Variants in DDX10 observed in about 807,000 individuals in gnomAD.
DDX10 encodes the protein probable ATP-dependent RNA helicase DDX10.
In DDX10, 74 loss-of-function variants were observed where a neutral mutation model predicts 104.3. That is an observed-to-expected ratio of 0.71 (90% CI 0.59 to 0.86). The LOEUF is 0.86. DDX10 is among the 40% of genes least tolerant of loss of function. DDX10 has a pLI of 0.00. For synonymous variants in DDX10, 351 were observed against 353.4 expected (o/e 0.99, Z 0.08); for missense variants, 952 against 1,040.0 (o/e 0.92, Z 1.16).
chr11:108,831,938 T>G (rs1310547568), intron 13 of DDX10, among the ~76,000 whole-genome samples: 1 of 152,166 alleles, frequency 6.6e-6, no homozygotes, highest in Non-Finnish European at 1.5e-5. Flanking sequence ...TTGTATTTTA[T>G]GATACTTTCC....
At chr11:108,845,838 T>C (rs1862709457) in intron 15 of DDX10, among the ~76,000 whole-genome samples, 2 of 152,218 alleles carry the variant, frequency 1.3e-5, no homozygotes, top group African/African-American at 4.8e-5. Context: ...GAATTTAGTC[T>C]TAATGATTCT....
Position 108,883,318 on chromosome 11 carries a change from T to C in DDX10, c.2304+31109T>C, listed in dbSNP as rs1008384654. 4.6e-5 allele frequency among the ~76,000 whole-genome samples: 7 copies of C among 152,188 alleles called. No individual in the cohort carries two copies. In the South Asian group the frequency reaches 6.2e-4, roughly 14 times the overall value. The stretch of plus-strand genomic sequence containing the variant: ...GAGAAAACAGTAGTAATTCAAGATA[T>C]TATTTTTTGTTATATCATATTCTTT... On this transcript the variant is annotated intron_variant, in intron 16 of 17. Coordinates refer to ENST00000322536, the MANE Select transcript of DDX10 (RefSeq NM_004398.4).
chr11:108,788,702 A>G (rs1329675904), intron 13 of DDX10, among the ~76,000 whole-genome samples: 1 of 152,212 alleles, frequency 6.6e-6, no homozygotes, highest in Admixed American at 6.5e-5. Flanking sequence ...GGTGTTGTAT[A>G]CTGGCAAAAT....
intron 17 of DDX10, among the ~76,000 whole-genome samples, chr11:108,935,898 T>A (rs534505299): frequency 6.6e-6 from 1 of 152,212 alleles, no homozygotes; most frequent in Non-Finnish European, 1.5e-5. Flanking sequence ...AGAAAGTTAA[T>A]ATTTCACATT....
Position 108,940,430 on chromosome 11 carries a change from C to A in DDX10, c.*7C>A. On this transcript the variant is annotated 3_prime_UTR_variant, in exon 18 of 18. Transcript: ENST00000322536. ...GCTAAGAAGTCAAAGCTAAATACTT[C>A]CTGCGCCTGCCTTCTCCTTGAAACC... 1.9e-6 allele frequency: 3 copies of A among 1,609,810 alleles called. No homozygotes were observed. Among genetic ancestry groups the A allele is most frequent in the Non-Finnish European group, 2.5e-6 (3 of 1,178,314 alleles).
intron 1 of DDX10, among the ~76,000 whole-genome samples, chr11:108,668,351 C>A (rs1047469924): frequency 6.6e-6 from 1 of 152,028 alleles, no homozygotes; most frequent in Non-Finnish European, 1.5e-5. Flanking sequence ...TTATTTAAAT[C>A]CCATTTGTTT....
At chr11:108,690,531 A>T (rs750327717) in intron 7 of DDX10, 2 of 157,172 alleles carry the variant, frequency 1.3e-5, no homozygotes, top group Admixed American at 6.5e-5. Flanking sequence ...CACAAGGACA[A>T]TGGAGAGCTT....
chr11:108,853,177 C>A (rs1478231141), intron 16 of DDX10, among the ~76,000 whole-genome samples: 2 of 152,072 alleles, frequency 1.3e-5, no homozygotes, highest in Non-Finnish European at 2.9e-5. Context: ...GTGTGTGCAG[C>A]CTGACTGCTA....
At chr11:108,821,376 A>T (rs1417725761) in intron 13 of DDX10, among the ~76,000 whole-genome samples, 1 of 152,168 alleles carries the variant, frequency 6.6e-6, no homozygotes, top group Non-Finnish European at 1.5e-5. Context: ...GACTAGTAAA[A>T]ATTTTATTGA....
chr11:108,677,186 TCTC>T lies in DDX10; in HGVS notation c.482_484del (p.Leu161del). ...AACTGGCCTATCAGACCTTTGAGGT[TCTC>T]CGAAAAGTAGGAAAGAATCATGACT... On this transcript the variant is annotated inframe_deletion, in exon 4 of 18. Transcript: ENST00000322536. 6.2e-7 allele frequency: 1 copy of T among 1,614,012 alleles called. No individual in the cohort carries two copies. Among genetic ancestry groups the T allele is most frequent in the Non-Finnish European group, 8.5e-7 (1 of 1,179,976 alleles).
chr11:108,854,520 T>G (rs1862839231), intron 16 of DDX10, among the ~76,000 whole-genome samples: 1 of 152,180 alleles, frequency 6.6e-6, no homozygotes, highest in African/African-American at 2.4e-5. Context: ...ATCCAGAAGA[T>G]ATTTTAATGG....
chr11:108,905,310 TA>T (rs143818847), intron 16 of DDX10, among the ~76,000 whole-genome samples: 54,289 of 114,796 alleles, frequency 0.47, 14,515 homozygotes, highest in Non-Finnish European at 0.61. Flanking sequence ...TTAGATTGTT[TA>T]AGGGGGGGGG....
chr11:108,786,197 C>T (rs1345667491), intron 13 of DDX10, among the ~76,000 whole-genome samples: 1 of 151,924 alleles, frequency 6.6e-6, no homozygotes, highest in Non-Finnish European at 1.5e-5. Flanking sequence ...TTTTATTGCA[C>T]CGTGGTCTGA....
chr11:108,771,447 C>G (rs1419297864), intron 13 of DDX10, among the ~76,000 whole-genome samples: 1 of 152,064 alleles, frequency 6.6e-6, no homozygotes, highest in African/African-American at 2.4e-5. Context: ...GAAAGCCACG[C>G]CATTCTCCTG....
chr11:108,811,550 G>A (rs7106807), intron 13 of DDX10, among the ~76,000 whole-genome samples: 6,072 of 152,098 alleles, frequency 0.04, 336 homozygotes, highest in African/African-American at 0.12. Flanking sequence ...CTGGCATATA[G>A]CACATAATTA....
At chr11:108,759,260 T>C (rs1423150033) in intron 13 of DDX10, among the ~76,000 whole-genome samples, 3 of 152,138 alleles carry the variant, frequency 2.0e-5, no homozygotes, top group Non-Finnish European at 4.4e-5. Flanking sequence ...CTTTTACTTA[T>C]AGCTGTCATA....
chr11:108,757,581 A>G (rs1297188970), intron 13 of DDX10, among the ~76,000 whole-genome samples: 5 of 152,124 alleles, frequency 3.3e-5, no homozygotes, highest in African/African-American at 1.2e-4. Context: ...CTTAAAAATT[A>G]AGCCACCTTA....
chr11:108,683,565 C>G (rs2094238475), intron 6 of DDX10, among the ~76,000 whole-genome samples: 1 of 152,086 alleles, frequency 6.6e-6, no homozygotes, highest in African/African-American at 2.4e-5. Context: ...TGTATTTATT[C>G]CTGCTTTTGT....
At chr11:108,798,607 A>G (rs1400594447) in intron 13 of DDX10, among the ~76,000 whole-genome samples, 2 of 152,168 alleles carry the variant, frequency 1.3e-5, no homozygotes, top group Non-Finnish European at 2.9e-5. Context: ...CTCTTGTAGC[A>G]TGTATCAGAA....
Sources: allele counts gnomAD v4.1 joint callset (sites outside exome capture counted in the v4.1 genomes callset), GRCh38; gene constraint gnomAD v4.1.1; transcripts MANE v1.5; gene names NCBI Gene and HGNC (gene_info 2026-07-23, HGNC 2026-07-21).